The following ATP8B4 variants were observed in gnomAD, a reference collection of about 807,000 sequenced individuals.
ATP8B4 encodes probable phospholipid-transporting ATPase IM.
In ATP8B4, 133 loss-of-function variants were observed where a neutral mutation model predicts 145.6. The ratio of observed to expected loss-of-function variants is 0.91; its 90% CI spans 0.79 to 1.05. The LOEUF (loss-of-function observed/expected upper bound fraction) is 1.05. Ranked by LOEUF, ATP8B4 falls within the 50% of genes least tolerant of loss-of-function variation. The pLI is 0.00. For missense variants in ATP8B4, 1,458 were observed against 1,425.2 expected (o/e 1.02, Z -0.37); for synonymous variants, 507 against 492.9 (o/e 1.03, Z -0.38).
At chr15:50,130,349 T>A (rs908363324) in intron 1 of ATP8B4, among the ~76,000 whole-genome samples, 1 of 152,200 alleles carries the variant, frequency 6.6e-6, no homozygotes, top group African/African-American at 2.4e-5. Context: ...AATTTCCCAC[T>A]GGTAGCACTG....
intron 5 of ATP8B4, among the ~76,000 whole-genome samples, chr15:50,043,914 C>A (rs1185943262): frequency 6.8e-6 from 1 of 147,932 alleles, no homozygotes; most frequent in Non-Finnish European, 1.5e-5. Context: ...GATTGCGCCA[C>A]TGCAGTCCGC....
chr15:50,123,141 A>G (rs1382818638), upstream of ATP8B4, among the ~76,000 whole-genome samples: 1 of 152,172 alleles, frequency 6.6e-6, no homozygotes, highest in Non-Finnish European at 1.5e-5. Flanking sequence ...CAGAACAGAT[A>G]GGAGACTGAA....
intron 1 of ATP8B4, among the ~76,000 whole-genome samples, chr15:50,107,847 G>T (rs2056757832): frequency 6.6e-6 from 1 of 152,092 alleles, no homozygotes. Context: ...CAACACTTAT[G>T]GCTTAGTAGT....
rs748270805 is a variant in ATP8B4, at chr15:49,920,395, CT to C, written c.1773del (p.Gly592AlafsTer38). The C allele has an allele frequency of 1.4e-5, 22 of 1,612,916 alleles. No homozygotes were observed. Among genetic ancestry groups the C allele is most frequent in the Non-Finnish European group, 1.9e-5 (22 of 1,179,616 alleles). On this transcript the variant is annotated frameshift_variant, in exon 18 of 28. Transcript: ENST00000284509. LOFTEE classifies it high-confidence loss of function. ...TATGCGATGGCCAAGGTCCGAAGGC[CT>C]TCCCCTGCAAATTCCTGCCAGAGAT... ...TSDHLSEFAG[E>X]GLRTLAIAYR...
chr15:50,138,691 T>C (rs1483201775), intron 1 of ATP8B4, among the ~76,000 whole-genome samples: 7 of 152,230 alleles, frequency 4.6e-5, no homozygotes, highest in Non-Finnish European at 1.0e-4. Context: ...GGAAATATCC[T>C]CATTTCAAAC....
Position 50,067,811 on chromosome 15 carries a change from T to C in ATP8B4, c.87+6316A>G, listed in dbSNP as rs551791450. 2.0e-5 allele frequency among the ~76,000 whole-genome samples: 3 copies of C among 152,318 alleles called. No homozygotes were observed. In the South Asian group the frequency reaches 6.2e-4, roughly 32 times the overall value. ...TGCCTACACTAGCTTCTTCATGTAT[T>C]GTTATCCCTTTGAGCTTTATATGCT... On this transcript the variant is annotated intron_variant, in intron 3 of 27. Coordinates refer to ENST00000284509, the MANE Select transcript of ATP8B4 (RefSeq NM_024837.4).
At chr15:50,025,280 C>G (rs892126218) in intron 6 of ATP8B4, among the ~76,000 whole-genome samples, 2 of 152,176 alleles carry the variant, frequency 1.3e-5, no homozygotes, top group African/African-American at 2.4e-5. Context: ...AAAGACAAAC[C>G]CTTCCACACA....
intron 1 of ATP8B4, among the ~76,000 whole-genome samples, chr15:50,137,238 G>T (rs1268352179): frequency 6.6e-6 from 1 of 152,164 alleles, no homozygotes; most frequent in East Asian, 1.9e-4. Context: ...CAGCCAATGG[G>T]TTACCCAAGT....
intron 5 of ATP8B4, among the ~76,000 whole-genome samples, chr15:50,039,081 G>A (rs979710940): frequency 2.6e-5 from 4 of 152,110 alleles, no homozygotes; most frequent in African/African-American, 4.8e-5. Flanking sequence ...ATCTCCACAC[G>A]TTTAGTTGCT....
chr15:49,961,860 G>T, intron 14 of ATP8B4, 117 bp downstream of exon 14: 2 of 802,548 alleles, frequency 2.5e-6, no homozygotes, highest in African/African-American at 1.8e-5. Context: ...TTAATGCTAT[G>T]CATTAAGTAT....
chr15:50,112,884 T>C (rs539691455), intron 1 of ATP8B4, among the ~76,000 whole-genome samples: 11 of 152,252 alleles, frequency 7.2e-5, no homozygotes, highest in African/African-American at 2.6e-4. Context: ...ACAAGGCCCC[T>C]GCTTCCCATC....
intron 7 of ATP8B4, among the ~76,000 whole-genome samples, chr15:50,002,869 G>A (rs2048007479): frequency 6.6e-6 from 1 of 152,146 alleles, no homozygotes; most frequent in South Asian, 2.1e-4. Flanking sequence ...ATTTTTCAGA[G>A]ATAAACAGTT....
chr15:49,875,469 A>G (rs1424875703), intron 25 of ATP8B4, among the ~76,000 whole-genome samples: 7 of 152,236 alleles, frequency 4.6e-5, no homozygotes, highest in African/African-American at 9.6e-5. Flanking sequence ...CTCAGTAATC[A>G]AAAGACAACA....
chr15:50,069,550 C>T (rs1306417574), intron 3 of ATP8B4, among the ~76,000 whole-genome samples: 1 of 152,120 alleles, frequency 6.6e-6, no homozygotes, highest in African/African-American at 2.4e-5. Context: ...ATATTTAAGG[C>T]CACTCTTAGC....
chr15:50,024,427 C>G (rs1451562245), intron 6 of ATP8B4, among the ~76,000 whole-genome samples: 1 of 152,158 alleles, frequency 6.6e-6, no homozygotes, highest in African/African-American at 2.4e-5. Flanking sequence ...TCTCAGTGCT[C>G]CACATGTGAT....
intron 22 of ATP8B4, 80 bp downstream of exon 22, chr15:49,897,988 C>T: frequency 6.9e-7 from 1 of 1,457,250 alleles, no homozygotes; most frequent in Non-Finnish European, 9.5e-7. Context: ...TTAATGCAAT[C>T]TAGTGATTAT....
At chr15:49,960,509 T>C (rs1313299221) in intron 14 of ATP8B4, among the ~76,000 whole-genome samples, 1 of 152,186 alleles carries the variant, frequency 6.6e-6, no homozygotes, top group African/African-American at 2.4e-5. Context: ...GAGAAAAATA[T>C]ATTTGGACTT....
intron 25 of ATP8B4, among the ~76,000 whole-genome samples, chr15:49,871,034 A>G (rs998861778): frequency 2.0e-5 from 3 of 152,234 alleles, no homozygotes; most frequent in Non-Finnish European, 4.4e-5. Flanking sequence ...GGAGGCCCAC[A>G]GCTTCTACTT....
chr15:50,098,572 C>T (rs534015533), intron 2 of ATP8B4, among the ~76,000 whole-genome samples: 1 of 152,150 alleles, frequency 6.6e-6, no homozygotes, highest in South Asian at 2.1e-4. Flanking sequence ...GCATGAGCCA[C>T]CAAGCCCAGT....
Sources: gnomAD v4.1 joint callset for allele counts (sites outside exome capture counted in the v4.1 genomes callset) on GRCh38, gnomAD v4.1.1 for gene constraint, MANE v1.5 for transcripts, NCBI Gene and HGNC (gene_info 2026-07-23, HGNC 2026-07-21) for gene names.